The following KCNMA1 variants were observed in gnomAD, a reference collection of about 807,000 sequenced individuals.
KCNMA1 encodes potassium calcium-activated channel subfamily M alpha 1.
A neutral mutation model predicts 140.0 loss-of-function variants in KCNMA1; 29 were observed. That is an observed-to-expected ratio of 0.21 (90% CI 0.15 to 0.28). The LOEUF (loss-of-function observed/expected upper bound fraction) is 0.28, where lower values mean the gene tolerates loss of function less well. Among genes scored for constraint, KCNMA1 ranks in the 10% least tolerant of loss-of-function variants. The pLI is 1.00. For synonymous variants in KCNMA1, 612 were observed against 611.9 expected, an observed-to-expected ratio of 1.00 and a Z score of 0.00; for missense variants, 880 against 1,602.2, an observed-to-expected ratio of 0.55 and a Z score of 7.70.
intron 3 of KCNMA1, among the ~76,000 whole-genome samples, chr10:77,210,489 C>T (rs2045693689): frequency 6.6e-6 from 1 of 152,124 alleles, no homozygotes; most frequent in Admixed American, 6.5e-5. Flanking sequence ...AAGCATTCCC[C>T]TTGAGAAGAG....
At chr10:77,458,051 A>G (rs1249537461) in intron 1 of KCNMA1, among the ~76,000 whole-genome samples, 1 of 152,238 alleles carries the variant, frequency 6.6e-6, no homozygotes, top group Non-Finnish European at 1.5e-5. Flanking sequence ...TTGGGAGCTC[A>G]CGCTAGCTAC....
intron 3 of KCNMA1, among the ~76,000 whole-genome samples, chr10:77,211,699 T>G (rs1170113254): frequency 6.6e-6 from 1 of 152,034 alleles, no homozygotes; most frequent in Non-Finnish European, 1.5e-5. Context: ...ATTCGCAAAC[T>G]ATGCATCTGA....
chr10:77,094,597 G>A (rs1344919257), intron 9 of KCNMA1, among the ~76,000 whole-genome samples: 1 of 152,160 alleles, frequency 6.6e-6, no homozygotes, highest in Non-Finnish European at 1.5e-5. Context: ...GAAATCATAA[G>A]TTCCACCGGT....
chr10:77,593,303 G>T (rs777032784), intron 1 of KCNMA1, among the ~76,000 whole-genome samples: 9 of 152,162 alleles, frequency 5.9e-5, no homozygotes, highest in Non-Finnish European at 1.3e-4. Flanking sequence ...CCTCAAATAA[G>T]TCTCTCCCTT....
chr10:77,618,281 T>C (rs1402958741), intron 1 of KCNMA1, among the ~76,000 whole-genome samples: 1 of 152,164 alleles, frequency 6.6e-6, no homozygotes, highest in Non-Finnish European at 1.5e-5. Flanking sequence ...TATTAAGTCA[T>C]TGACATGTTG....
intron 2 of KCNMA1, among the ~76,000 whole-genome samples, chr10:77,375,521 T>C (rs1297568334): frequency 6.6e-6 from 1 of 152,188 alleles, no homozygotes; most frequent in Non-Finnish European, 1.5e-5. Context: ...GAGTCCTCCA[T>C]AATAGCATCC....
chr10:77,261,555 T>C (rs935342121), intron 2 of KCNMA1, among the ~76,000 whole-genome samples: 2 of 152,178 alleles, frequency 1.3e-5, no homozygotes, highest in Admixed American at 6.5e-5. Context: ...AAAAGTTCAA[T>C]ATATTCCTCC....
At position 76,937,415 on chromosome 10, in the gene KCNMA1, T is replaced by C. The variant is rs550281062; in HGVS notation, c.2902+7358A>G. 1.7e-3 allele frequency among the ~76,000 whole-genome samples: 262 copies of C among 152,286 alleles called. 5 individuals are homozygous for C. The highest frequency in any genetic ancestry group is 5.8e-4 in the East Asian group (3 of 5,180). On this transcript the variant is annotated intron_variant, in intron 23 of 27. Transcript: ENST00000286628. The stretch of plus-strand genomic sequence containing the variant: ...ACAGCTCTTGACACATTCCCTCCTA[T>C]CCCAACAAAGATGAAACAGTCACTG...
intron 23 of KCNMA1, among the ~76,000 whole-genome samples, chr10:76,916,815 A>C (rs2053124263): frequency 6.6e-6 from 1 of 152,206 alleles, no homozygotes; most frequent in Non-Finnish European, 1.5e-5. Context: ...GGAGGTGCAT[A>C]ATGCATAAAA....
chr10:76,894,919 T>C (rs1451388539), intron 25 of KCNMA1, among the ~76,000 whole-genome samples: 1 of 152,168 alleles, frequency 6.6e-6, no homozygotes, highest in African/African-American at 2.4e-5. Context: ...CCTCACATTG[T>C]GTTATGCCCA....
At chr10:77,101,572 T>G (rs1385780017) in intron 9 of KCNMA1, among the ~76,000 whole-genome samples, 1 of 152,136 alleles carries the variant, frequency 6.6e-6, no homozygotes, top group Non-Finnish European at 1.5e-5. Context: ...GCTTTTAAAA[T>G]CTAGGAATCC....
At chr10:77,379,143 C>A (rs1455118350) in intron 2 of KCNMA1, among the ~76,000 whole-genome samples, 1 of 152,102 alleles carries the variant, frequency 6.6e-6, no homozygotes, top group Non-Finnish European at 1.5e-5. Context: ...TAATGAATAA[C>A]CAGGAAAGAC....
intron 6 of KCNMA1, among the ~76,000 whole-genome samples, chr10:77,118,554 T>C (rs76929383): frequency 0.018 from 2,670 of 152,306 alleles, 86 homozygotes; most frequent in African/African-American, 0.061. Flanking sequence ...TCCCCAAGTG[T>C]TATGCTCTCA....
intron 2 of KCNMA1, among the ~76,000 whole-genome samples, chr10:77,375,471 G>A (rs1001643012): frequency 6.6e-6 from 1 of 152,176 alleles, no homozygotes; most frequent in Non-Finnish European, 1.5e-5. Flanking sequence ...GGCTGTTAAT[G>A]ACCTGGTGCC....
intron 23 of KCNMA1, among the ~76,000 whole-genome samples, chr10:76,929,013 C>A (rs934488979): frequency 6.6e-6 from 1 of 152,116 alleles, no homozygotes; most frequent in Non-Finnish European, 1.5e-5. Flanking sequence ...AAGATAGAGA[C>A]AATTGCTTCC....
chr10:77,320,764 A>T (rs2082122579), intron 2 of KCNMA1, among the ~76,000 whole-genome samples: 1 of 152,204 alleles, frequency 6.6e-6, no homozygotes, highest in African/African-American at 2.4e-5. Context: ...CACATTTCTA[A>T]AATATTCGAG....
At chr10:76,892,054 C>T (rs1484014203) in intron 25 of KCNMA1, among the ~76,000 whole-genome samples, 2 of 152,120 alleles carry the variant, frequency 1.3e-5, no homozygotes, top group Non-Finnish European at 2.9e-5. Flanking sequence ...TACGTGACTA[C>T]TATGAGATTC....
chr10:77,246,048 TGAGAAATG>T (rs1437398982), intron 3 of KCNMA1, among the ~76,000 whole-genome samples: 1 of 152,004 alleles, frequency 6.6e-6, no homozygotes, highest in Non-Finnish European at 1.5e-5. Context: ...GTTCTCAGGG[TGAGAAATG>T]GAGAAAGGGA....
At chr10:77,311,800 G>A (rs989355493) in intron 2 of KCNMA1, among the ~76,000 whole-genome samples, 2 of 152,094 alleles carry the variant, frequency 1.3e-5, no homozygotes, top group African/African-American at 4.8e-5. Context: ...TGCCTCTCAG[G>A]GACCTAAGCC....
Sources: gnomAD v4.1 joint callset for allele counts (sites outside exome capture counted in the v4.1 genomes callset) on GRCh38, gnomAD v4.1.1 for gene constraint, MANE v1.5 for transcripts, NCBI Gene and HGNC (gene_info 2026-07-23, HGNC 2026-07-21) for gene names.